The following SFSWAP variants were observed in gnomAD, a reference collection of about 807,000 sequenced individuals.
The protein encoded by SFSWAP is splicing factor, suppressor of white-apricot homolog.
In SFSWAP, 17 loss-of-function variants were observed where a neutral mutation model predicts 100.7. The ratio of observed to expected loss-of-function variants is 0.17; its 90% CI spans 0.12 to 0.25. The LOEUF (loss-of-function observed/expected upper bound fraction) is 0.25. SFSWAP is among the 10% of genes least tolerant of loss of function. The probability of loss-of-function intolerance (pLI) is 1.00; values close to 1 mark genes in which losing one functional copy is unlikely to be tolerated. For synonymous variants in SFSWAP, 504 were observed against 510.1 expected (o/e 0.99, Z 0.16); for missense variants, 1,005 against 1,262.6 (o/e 0.80, Z 3.09).
chr12:131,721,058 C>T (rs1878430008), intron 4 of SFSWAP, among the ~76,000 whole-genome samples: 1 of 152,200 alleles, frequency 6.6e-6, no homozygotes. Context: ...CATGTCTAAG[C>T]ATGTCCAGAG....
At position 131,714,466 on chromosome 12, in the gene SFSWAP, G is replaced by GA; in HGVS notation, c.388+233dup. ...AGCTTTTGAGGGCAGACTGGGATTT[G>GA]AAAAAAACAAAAACCAAACTCTTTA... is the stretch of plus-strand genomic sequence containing the variant. On this transcript the variant is annotated intron_variant, in intron 2 of 17. Coordinates refer to ENST00000261674, the MANE Select transcript of SFSWAP (RefSeq NM_004592.4). The surrounding 1 kb of genome is among the most constrained non-coding windows in gnomAD (Gnocchi z 6.0). 2.0e-6 allele frequency: 1 copy of GA among 501,756 alleles called. No homozygotes were observed. The highest frequency in any genetic ancestry group is 3.1e-5 in the South Asian group (1 of 32,270). The allele number at this position is 501,756 out of a possible 1,614,324, so 31.1% of individuals were successfully genotyped here.
At chr12:131,783,001 T>C (rs894374499) in intron 14 of SFSWAP, among the ~76,000 whole-genome samples, 2 of 151,952 alleles carry the variant, frequency 1.3e-5, no homozygotes, top group Non-Finnish European at 2.9e-5. Context: ...GCCAACATGG[T>C]AAAACCCCAT....
chr12:131,727,420 G>T (rs1879085349), intron 6 of SFSWAP, among the ~76,000 whole-genome samples: 1 of 152,208 alleles, frequency 6.6e-6, no homozygotes, highest in African/African-American at 2.4e-5. Flanking sequence ...GCTGAGGCAG[G>T]TGGATCACCT....
intron 13 of SFSWAP, among the ~76,000 whole-genome samples, chr12:131,775,283 T>A (rs965688648): frequency 1.3e-5 from 2 of 152,212 alleles, no homozygotes; most frequent in African/African-American, 2.4e-5. Context: ...GTCTCAGCTC[T>A]CCTTCTCTTC....
In SFSWAP at chr12:131,711,184, T is replaced by G; in HGVS notation, c.-46T>G. The G allele has an allele frequency of 6.8e-7, 1 of 1,474,176 alleles. No homozygotes were observed. The highest frequency in any genetic ancestry group is 2.4e-5 in the East Asian group (1 of 40,826). 91.3% of individuals were successfully genotyped at this position (1,474,176 alleles called of 1,614,324 possible). ...AGGCCAAGTGGAGGTATCAGGGACG[T>G]CGCGCGGCACAGAAGAGGACCAGCC... On this transcript the variant is annotated 5_prime_UTR_variant, in exon 1 of 18. Transcript: ENST00000261674. This position sits in a 1 kb window ranked among gnomAD's most constrained non-coding sequence, Gnocchi z 4.9.
rs192510708 is a variant in SFSWAP at position 131,721,711 on chromosome 12, A to G, written c.606+2172A>G. ...GTTCTCAGCCAAAATAAGCATCACTAAGCTCTTGATAGTCTGCCAGATCAA... is the reference window on the plus strand; with the variant it reads ...GTTCTCAGCCAAAATAAGCATCACTGAGCTCTTGATAGTCTGCCAGATCAA... On this transcript the variant is annotated intron_variant, in intron 4 of 17. Coordinates refer to ENST00000261674, the MANE Select transcript of SFSWAP (RefSeq NM_004592.4). Among the ~76,000 whole-genome samples the G allele has an allele frequency of 2.0e-3, 302 of 152,344 alleles. 1 individual carries two copies. The highest frequency in any genetic ancestry group is 3.6e-3 in the Non-Finnish European group (247 of 68,034).
chr12:131,782,086 GA>G (rs1290879055), intron 14 of SFSWAP, among the ~76,000 whole-genome samples: 2 of 152,198 alleles, frequency 1.3e-5, no homozygotes, highest in Admixed American at 1.3e-4. Flanking sequence ...GCAGAGGCAG[GA>G]GGATTCCTTG....
chr12:131,795,161 A>C (rs1218268898), intron 15 of SFSWAP, among the ~76,000 whole-genome samples: 3 of 152,212 alleles, frequency 2.0e-5, no homozygotes, highest in African/African-American at 7.2e-5. Context: ...CACGTCAGGC[A>C]GGCTTCCAGA....
Position 131,711,896 on chromosome 12 carries a change from C to A in SFSWAP, c.218+449C>A, listed in dbSNP as rs888366913. 16 of 179,248 alleles carry A rather than the reference C, an allele frequency of 8.9e-5. No homozygotes were observed. The highest frequency in any genetic ancestry group is 3.8e-4 in the African/African-American group (16 of 42,050). The allele number at this position is 179,248 out of a possible 1,614,324, so 11.1% of individuals were successfully genotyped here. A position where few individuals can be genotyped will look rare whatever the true frequency, so the allele number is the denominator to read the frequency against. On this transcript the variant is annotated intron_variant, in intron 1 of 17. Transcript: ENST00000261674. The surrounding 1 kb of genome is among the most constrained non-coding windows in gnomAD (Gnocchi z 4.9). ...GTACCCTGGGAGGCGTGCCTTTATTCTTCCGAACCGCCGCTCACTGAGACA... is the reference window on the plus strand; with the variant it reads ...GTACCCTGGGAGGCGTGCCTTTATTATTCCGAACCGCCGCTCACTGAGACA...
At chr12:131,719,104 G>A (rs1372066386) in intron 3 of SFSWAP, among the ~76,000 whole-genome samples, 1 of 152,110 alleles carries the variant, frequency 6.6e-6, no homozygotes, top group Admixed American at 6.5e-5. Flanking sequence ...ATATATGTGG[G>A]TTCAAATGGA....
intron 11 of SFSWAP, chr12:131,756,959 C>G (rs1882231746): frequency 3.9e-6 from 1 of 258,176 alleles, no homozygotes; most frequent in Non-Finnish European, 7.4e-6. Flanking sequence ...TATTTATATG[C>G]AAACTGTTGT....
chr12:131,740,694 T>A (rs1465962875), intron 7 of SFSWAP, among the ~76,000 whole-genome samples: 1 of 152,176 alleles, frequency 6.6e-6, no homozygotes, highest in Non-Finnish European at 1.5e-5. Context: ...CATGTCTATT[T>A]ATTCCTTGTA....
At chr12:131,772,834 G>A (rs890555288) in intron 13 of SFSWAP, among the ~76,000 whole-genome samples, 17 of 152,162 alleles carry the variant, frequency 1.1e-4, no homozygotes, top group Admixed American at 7.9e-4. Context: ...CAGGTCACAC[G>A]AACGAATTAA....
At chr12:131,788,854 C>T (rs1467358262) in intron 15 of SFSWAP, among the ~76,000 whole-genome samples, 1 of 152,218 alleles carries the variant, frequency 6.6e-6, no homozygotes, top group Non-Finnish European at 1.5e-5. Flanking sequence ...AGCGGGCGTC[C>T]ACTTCCTTGC....
intron 7 of SFSWAP, among the ~76,000 whole-genome samples, chr12:131,731,714 A>G (rs1879525835): frequency 1.3e-5 from 2 of 152,154 alleles, no homozygotes; most frequent in Non-Finnish European, 2.9e-5. Flanking sequence ...TACGTTCATT[A>G]TATGTAGTTT....
At chr12:131,775,509 C>T (rs892574844) in intron 13 of SFSWAP, among the ~76,000 whole-genome samples, 1 of 152,170 alleles carries the variant, frequency 6.6e-6, no homozygotes, top group Non-Finnish European at 1.5e-5. Context: ...CTCTGGTGTC[C>T]ACCCAGGGCT....
At position 131,794,578 on chromosome 12, in the gene SFSWAP, A is replaced by G. The variant is rs996947454; in HGVS notation, c.2535-2600A>G. Among the ~76,000 whole-genome samples the G allele has an allele frequency of 1.3e-5, 2 of 152,164 alleles. No individual in the cohort carries two copies. Among genetic ancestry groups the G allele is most frequent in the Non-Finnish European group, 2.9e-5 (2 of 68,028 alleles). ...AGAAGCCAAACCAACAAACAAACAC[A>G]GACATAGCGTGGGGTTTGTCTACAT... On this transcript the variant is annotated intron_variant, in intron 15 of 17. Transcript: ENST00000261674. The surrounding 1 kb of genome is among the most constrained non-coding windows in gnomAD (Gnocchi z 4.8).
rs757593392 is a variant in SFSWAP, at chr12:131,726,977, TGAA to T, written c.876_878del (p.Glu292del). 13 of 1,606,466 alleles carry T rather than the reference TGAA, an allele frequency of 8.1e-6. No individual in the cohort carries two copies. In the South Asian group the frequency reaches 8.9e-5, roughly 11 times the overall value. ...GCTCTGACAATGAAGATGATGATGA[TGAA>T]GAAGATGGGAATTACCTTCATCCCT... On this transcript the variant is annotated inframe_deletion, in exon 6 of 18. Transcript: ENST00000261674.
intron 14 of SFSWAP, chr12:131,784,899 A>G (rs1455086680): frequency 2.2e-6 from 1 of 458,830 alleles, no homozygotes; most frequent in Non-Finnish European, 3.8e-6. Flanking sequence ...AAGAATTTGC[A>G]GGCCTTAAAA....
Sources: allele counts gnomAD v4.1 joint callset (sites outside exome capture counted in the v4.1 genomes callset), GRCh38; gene constraint gnomAD v4.1.1; non-coding constraint Gnocchi (gnomAD v3.1); transcripts MANE v1.5; gene names NCBI Gene and HGNC (gene_info 2026-07-23, HGNC 2026-07-21).